The following VTA1 variants were observed in gnomAD, a reference collection of about 807,000 sequenced individuals.
The protein encoded by VTA1 is vesicle trafficking 1, also known as vacuolar protein sorting-associated protein VTA1 homolog.
In VTA1, 24 loss-of-function variants were observed where a neutral mutation model predicts 36.9. The ratio of observed to expected loss-of-function variants is 0.65; its 90% CI spans 0.47 to 0.91. VTA1 has a LOEUF of 0.91. Among genes scored for constraint, VTA1 ranks in the 40% least tolerant of loss-of-function variants. The pLI, the probability that VTA1 is intolerant of heterozygous loss-of-function variation, is 0.00. For synonymous variants in VTA1, 142 were observed against 130.2 expected (o/e 1.09, Z -0.62); for missense variants, 393 against 377.2 (o/e 1.04, Z -0.35).
At chr6:142,159,686 TG>T (rs1774756122) in intron 1 of VTA1, among the ~76,000 whole-genome samples, 1 of 151,562 alleles carries the variant, frequency 6.6e-6, no homozygotes, top group South Asian at 2.1e-4. Flanking sequence ...GCTAATTTTT[TG>T]TATTTTTAGT....
chr6:142,172,365 T>C (rs537108387), intron 4 of VTA1, among the ~76,000 whole-genome samples: 22 of 152,332 alleles, frequency 1.4e-4, no homozygotes, highest in African/African-American at 4.8e-4. Context: ...GGAGCAATTT[T>C]GGCCCTTGCC....
chr6:142,176,609 T>C (rs916293384), intron 4 of VTA1, among the ~76,000 whole-genome samples: 2 of 152,100 alleles, frequency 1.3e-5, no homozygotes, highest in Non-Finnish European at 2.9e-5. Flanking sequence ...GCCTTTTTTT[T>C]TTTTTTTAAA....
At chr6:142,166,784 G>A (rs1774925370) in intron 2 of VTA1, among the ~76,000 whole-genome samples, 2 of 151,966 alleles carry the variant, frequency 1.3e-5, no homozygotes, top group East Asian at 1.9e-4. Context: ...AAACGCGCCC[G>A]GCTAGTTTTT....
chr6:142,182,147 A>G (rs1469136334), intron 4 of VTA1, among the ~76,000 whole-genome samples: 1 of 152,188 alleles, frequency 6.6e-6, no homozygotes, highest in African/African-American at 2.4e-5. Context: ...AAATCTTATG[A>G]AAGCTGTGGA....
chr6:142,172,810 G>T (rs1173983607), intron 4 of VTA1, among the ~76,000 whole-genome samples: 2 of 152,134 alleles, frequency 1.3e-5, no homozygotes, highest in South Asian at 2.1e-4. Context: ...TGAGAATTCA[G>T]ATTAGAAGAG....
chr6:142,163,123 T>C (rs905670570), intron 1 of VTA1, among the ~76,000 whole-genome samples: 8 of 152,176 alleles, frequency 5.3e-5, no homozygotes, highest in Admixed American at 2.0e-4. Flanking sequence ...TACTCTTTCA[T>C]GTAAAGAAAG....
Position 142,147,370 on chromosome 6 carries a change from A to G in VTA1, c.83A>G (p.Asp28Gly). The part of the protein sequence containing the change: ...QHHLRTAQEH[D>G]KRDPVVAYYC... ...CATCTGAGGACGGCTCAGGAGCATG[A>G]CAAGCGAGACCCTGTGGTGGCTTAT... Residue 28 changes from aspartate to glycine, a missense_variant, in exon 1 of 8, where the codon GAC becomes GGC. Transcript: ENST00000367630. 1 of 1,614,198 alleles carries G rather than the reference A, an allele frequency of 6.2e-7. No homozygotes were observed. Among genetic ancestry groups the G allele is most frequent in the Non-Finnish European group, 8.5e-7 (1 of 1,180,020 alleles).
intron 7 of VTA1, among the ~76,000 whole-genome samples, chr6:142,213,125 T>C (rs955804420): frequency 6.6e-6 from 1 of 152,200 alleles, no homozygotes; most frequent in East Asian, 1.9e-4. Context: ...AACAAGTTAG[T>C]TACTTCTGAG....
chr6:142,174,584 A>T (rs949571282), intron 4 of VTA1, among the ~76,000 whole-genome samples: 1 of 152,114 alleles, frequency 6.6e-6, no homozygotes, highest in Non-Finnish European at 1.5e-5. Context: ...AGGGATAATT[A>T]TATTTTGCAA....
rs1778625611 is a variant in VTA1 at position 142,154,520 on chromosome 6, G to T, written c.112+7121G>T. On this transcript the variant is annotated intron_variant, in intron 1 of 7. Transcript: ENST00000367630. ...TTGCTAGATCATATGGTAATTGCAT[G>T]TTTAGTTTTATAAGAAGCTGTCAAA... Among the ~76,000 whole-genome samples, 4 of 152,062 alleles carry T rather than the reference G, an allele frequency of 2.6e-5. No individual in the cohort carries two copies. The South Asian group carries it at 8.3e-4, about 31-fold the overall frequency.
At chr6:142,163,715 A>G (rs988434419) in intron 1 of VTA1, among the ~76,000 whole-genome samples, 1 of 152,050 alleles carries the variant, frequency 6.6e-6, no homozygotes, top group African/African-American at 2.4e-5. Context: ...GGCATGGGCT[A>G]GGTTGGGGCA....
intron 2 of VTA1, among the ~76,000 whole-genome samples, chr6:142,166,788 A>G (rs1483232176): frequency 6.6e-6 from 1 of 152,018 alleles, no homozygotes; most frequent in Non-Finnish European, 1.5e-5. Flanking sequence ...GCGCCCGGCT[A>G]GTTTTTTTGT....
At chr6:142,148,632 C>T (rs1335998928) in intron 1 of VTA1, among the ~76,000 whole-genome samples, 2 of 151,986 alleles carry the variant, frequency 1.3e-5, no homozygotes, top group South Asian at 4.2e-4. Flanking sequence ...AGAGTTTCAA[C>T]AATATAGAGT....
chr6:142,160,469 T>C (rs1400878717), intron 1 of VTA1, among the ~76,000 whole-genome samples: 1 of 152,206 alleles, frequency 6.6e-6, no homozygotes, highest in African/African-American at 2.4e-5. Flanking sequence ...TCTGGGTTTT[T>C]TCCTGCATAG....
chr6:142,211,198 GA>G (rs1582905726), intron 7 of VTA1, among the ~76,000 whole-genome samples: 1 of 150,456 alleles, frequency 6.6e-6, no homozygotes, highest in Admixed American at 6.6e-5. Context: ...GATGAAAGTG[GA>G]AAAAAAAGAA....
chr6:142,174,340 A>G (rs962370585), intron 4 of VTA1, among the ~76,000 whole-genome samples: 3 of 152,150 alleles, frequency 2.0e-5, no homozygotes, highest in Admixed American at 6.5e-5. Context: ...AATGTCTACT[A>G]TGTTGGTTTT....
intron 1 of VTA1, 61 bp from the exon 2 acceptor site, chr6:142,166,167 C>T: frequency 9.5e-7 from 1 of 1,049,764 alleles, no homozygotes; most frequent in South Asian, 1.9e-5. Context: ...ATATTTTAAA[C>T]ACTCATAAAC....
chr6:142,169,471 G>A (rs1020656423), intron 2 of VTA1, 79 bp from the exon 3 acceptor site: 29 of 1,394,748 alleles, frequency 2.1e-5, no homozygotes, highest in Non-Finnish European at 2.8e-5. Flanking sequence ...TACTTAAAAT[G>A]ATTATTAGAA....
chr6:142,209,508 ATAAC>A (rs1010196295), intron 7 of VTA1, among the ~76,000 whole-genome samples: 58 of 151,338 alleles, frequency 3.8e-4, no homozygotes, highest in African/African-American at 1.2e-3. Flanking sequence ...TTAGTTATTA[ATAAC>A]TAACTATAAT....
Sources: allele counts gnomAD v4.1 joint callset (sites outside exome capture counted in the v4.1 genomes callset), GRCh38; gene constraint gnomAD v4.1.1; transcripts MANE v1.5; gene names NCBI Gene and HGNC (gene_info 2026-07-23, HGNC 2026-07-21).